Variants in DDC observed in about 807,000 individuals in gnomAD.
DDC encodes the protein aromatic-L-amino-acid decarboxylase.
DDC carries 43 observed loss-of-function variants against 60.0 expected under a neutral mutation model. The observed-to-expected ratio is 0.72, with a 90% CI of 0.56 to 0.92. The LOEUF is 0.92. Among genes scored for constraint, DDC ranks in the 40% least tolerant of loss-of-function variants. The pLI, the probability that DDC is intolerant of heterozygous loss-of-function variation, is 0.00. For missense variants in DDC, 573 were observed against 620.2 expected (o/e 0.92, Z 0.81); for synonymous variants, 232 against 234.6 (o/e 0.99, Z 0.10).
chr7:50,521,392 C>T (rs1250596364), intron 6 of DDC, among the ~76,000 whole-genome samples: 3 of 152,092 alleles, frequency 2.0e-5, no homozygotes, highest in Non-Finnish European at 4.4e-5. Context: ...GGATTACTTA[C>T]AGAAAATAGA....
intron 4 of DDC, among the ~76,000 whole-genome samples, chr7:50,537,334 G>A (rs11575322): frequency 0.089 from 13,577 of 152,266 alleles, 967 homozygotes; most frequent in South Asian, 0.14. Flanking sequence ...GGAATATCAC[G>A]GGCTCTGAGC....
chr7:50,542,273 C>T (rs982358778), intron 2 of DDC: 1 of 152,160 alleles, frequency 6.6e-6, no homozygotes, highest in South Asian at 2.1e-4. Context: ...AGACAAAGCG[C>T]CCGGGGCCCA....
intron 14 of DDC, among the ~76,000 whole-genome samples, chr7:50,459,852 C>T (rs1323529670): frequency 2.0e-5 from 3 of 146,548 alleles, no homozygotes; most frequent in Non-Finnish European, 4.5e-5. Context: ...GCCCCCGGCC[C>T]GGCCAGCCGC....
chr7:50,539,813 G>T (rs1211186503), intron 3 of DDC, 102 bp downstream of exon 3: 3 of 836,000 alleles, frequency 3.6e-6, no homozygotes, highest in Non-Finnish European at 6.0e-6. Context: ...CCCACAGACA[G>T]CACCGCCATC....
chr7:50,476,654 GAGAA>G lies in DDC; in HGVS notation c.1022-15_1022-12del. On this transcript the variant is annotated splice_polypyrimidine_tract_variant and intron_variant, in intron 10 of 14. Coordinates refer to ENST00000444124, the MANE Select transcript of DDC (RefSeq NM_001082971.2). Reference sequence around the variant, plus strand: ...AGTCAGTGATAAGCCCTGGAGAAAAGAGAAAGAAAAAGAAAAAAGAAATCGTTAG... The same window carrying G: ...AGTCAGTGATAAGCCCTGGAGAAAAGAGAAAAAGAAAAAAGAAATCGTTAG... 6.2e-7 allele frequency: 1 copy of G among 1,610,398 alleles called. No individual in the cohort carries two copies. The highest frequency in any genetic ancestry group is 8.5e-7 in the Non-Finnish European group (1 of 1,177,712).
chr7:50,498,809 C>T (rs964135040), intron 8 of DDC, among the ~76,000 whole-genome samples: 2 of 152,146 alleles, frequency 1.3e-5, no homozygotes, highest in Non-Finnish European at 1.5e-5. Context: ...TATGGAATTG[C>T]GGGTTGGTAT....
At chr7:50,495,576 T>A (rs1337060836) in intron 8 of DDC, among the ~76,000 whole-genome samples, 159 bp from the exon 9 acceptor site, 1 of 152,006 alleles carries the variant, frequency 6.6e-6, no homozygotes, top group Non-Finnish European at 1.5e-5. Flanking sequence ...TTGTAGTGGG[T>A]AGGGGAGTCT....
chr7:50,461,535 G>T (rs1222946186), intron 14 of DDC, among the ~76,000 whole-genome samples: 1 of 152,158 alleles, frequency 6.6e-6, no homozygotes, highest in Non-Finnish European at 1.5e-5. Flanking sequence ...ACACACCTTT[G>T]CTGATAAATT....
intron 1 of DDC, among the ~76,000 whole-genome samples, chr7:50,544,315 C>T (rs2044733508): frequency 6.6e-6 from 1 of 152,186 alleles, no homozygotes; most frequent in Non-Finnish European, 1.5e-5. Flanking sequence ...GCAAAAGCTG[C>T]TTCTCCTCTT....
At position 50,522,797 on chromosome 7, in the gene DDC, T is replaced by C. The variant is rs1433829137; in HGVS notation, c.714+5340A>G. Among the ~76,000 whole-genome samples, 5 of 152,168 alleles carry C rather than the reference T, an allele frequency of 3.3e-5. No individual in the cohort carries two copies. The South Asian group carries it at 1.0e-3, about 32-fold the overall frequency. On this transcript the variant is annotated intron_variant, in intron 6 of 14. Coordinates refer to ENST00000444124, the MANE Select transcript of DDC (RefSeq NM_001082971.2). ...CCATTACAAAGAAAGGAACTATTGG[T>C]TCATAGTTCCACTGGCTATACAGGA...
At chr7:50,511,052 TAC>T (rs377138071) in intron 6 of DDC, among the ~76,000 whole-genome samples, 44,256 of 138,808 alleles carry the variant, frequency 0.32, 7,644 homozygotes, top group Middle Eastern at 0.45. Context: ...GATATATCTA[TAC>T]ACACACACAC....
Position 50,529,733 on chromosome 7 carries a change from C to G in DDC, c.436-391G>C, listed in dbSNP as rs911608094. ...GCCTGACTCTGCGTTCATATTCACTCGGACAGAGCGATTTGCATTTGTTTA... is the reference window on the plus strand; with the variant it reads ...GCCTGACTCTGCGTTCATATTCACTGGGACAGAGCGATTTGCATTTGTTTA... On this transcript the variant is annotated intron_variant, in intron 4 of 14. Coordinates refer to ENST00000444124, the MANE Select transcript of DDC (RefSeq NM_001082971.2). Among the ~76,000 whole-genome samples, 4 of 152,280 alleles carry G rather than the reference C, an allele frequency of 2.6e-5. No homozygotes were observed. The South Asian group carries it at 6.2e-4, about 24-fold the overall frequency.
intron 6 of DDC, among the ~76,000 whole-genome samples, chr7:50,520,303 A>G (rs2043856074): frequency 6.6e-6 from 1 of 152,246 alleles, no homozygotes; most frequent in South Asian, 2.1e-4. Context: ...AACAAATTTA[A>G]AATAATGGAC....
At chr7:50,462,872 C>T (rs2042313166) in intron 14 of DDC, among the ~76,000 whole-genome samples, 2 of 149,872 alleles carry the variant, frequency 1.3e-5, no homozygotes, top group East Asian at 2.0e-4. Flanking sequence ...CAGGTTCATG[C>T]GATTCTCCTG....
chr7:50,479,761 C>T (rs1178483347), intron 10 of DDC, 26 bp downstream of exon 10: 3 of 1,607,142 alleles, frequency 1.9e-6, no homozygotes. Flanking sequence ...CAGAAACAGT[C>T]CACAGAAAGC....
intron 6 of DDC, among the ~76,000 whole-genome samples, chr7:50,506,468 G>A (rs542497290): frequency 1.3e-5 from 2 of 152,188 alleles, no homozygotes; most frequent in East Asian, 1.9e-4. Context: ...AAACCTGCAC[G>A]TTGTGCACAT....
intron 10 of DDC, chr7:50,477,486 TA>T: frequency 2.2e-6 from 1 of 455,936 alleles, no homozygotes; most frequent in South Asian, 1.6e-5. Flanking sequence ...GGCAGGGCCA[TA>T]GCAGGCCCTG....
intron 9 of DDC, chr7:50,492,546 C>A: frequency 3.2e-6 from 1 of 309,228 alleles, no homozygotes; most frequent in Non-Finnish European, 5.1e-6. Context: ...TCAAGTATTG[C>A]AACCACCCTG....
chr7:50,479,757 C>T (rs759803257), intron 10 of DDC, 30 bp downstream of exon 10: 2 of 1,600,264 alleles, frequency 1.2e-6, no homozygotes, highest in Non-Finnish European at 1.7e-6. Context: ...AGACCAGAAA[C>T]AGTCCACAGA....
Sources: gnomAD v4.1 joint callset for allele counts (sites outside exome capture counted in the v4.1 genomes callset) on GRCh38, gnomAD v4.1.1 for gene constraint, MANE v1.5 for transcripts, NCBI Gene and HGNC (gene_info 2026-07-23, HGNC 2026-07-21) for gene names.